NAALADL2: variants seen among roughly 807,000 people sequenced by gnomAD.
NAALADL2 encodes the protein inactive N-acetylated-alpha-linked acidic dipeptidase-like protein 2.
In NAALADL2, 76 loss-of-function variants were observed where a neutral mutation model predicts 87.2. The ratio of observed to expected loss-of-function variants is 0.87; its 90% confidence interval spans 0.72 to 1.05. The LOEUF is 1.05. Among genes scored for constraint, NAALADL2 ranks in the 50% least tolerant of loss-of-function variants. The probability of loss-of-function intolerance (pLI) is 0.00; values close to 1 mark genes in which losing one functional copy is unlikely to be tolerated. For missense variants in NAALADL2, 1,089 were observed against 945.8 expected (o/e 1.15, Z -1.99); for synonymous variants, 354 against 331.0 (o/e 1.07, Z -0.75).
At chr3:175,531,493 A>G (rs1734082029) in intron 9 of NAALADL2, among the ~76,000 whole-genome samples, 1 of 152,234 alleles carries the variant, frequency 6.6e-6, no homozygotes, top group Non-Finnish European at 1.5e-5. Context: ...TCCAATCAGC[A>G]TGTCATCAGT....
chr3:175,281,076 C>G (rs952501953), intron 4 of NAALADL2, among the ~76,000 whole-genome samples: 2 of 149,532 alleles, frequency 1.3e-5, no homozygotes, highest in African/African-American at 4.9e-5. Context: ...TTTTGTTTTT[C>G]TTTTGAATTT....
At chr3:174,726,874 C>T (rs1019487338) in intron 2 of NAALADL2, among the ~76,000 whole-genome samples, 11 of 152,126 alleles carry the variant, frequency 7.2e-5, no homozygotes, top group Non-Finnish European at 1.2e-4. Context: ...TAGACAGTTG[C>T]AATAGGCTCC....
At chr3:174,703,476 A>C (rs919987107) in intron 2 of NAALADL2, among the ~76,000 whole-genome samples, 1 of 152,138 alleles carries the variant, frequency 6.6e-6, no homozygotes, top group African/African-American at 2.4e-5. Context: ...TTTCCTGGGA[A>C]TCATGAGAGT....
chr3:174,830,145 CT>C lies in NAALADL2; in HGVS notation c.-9+92403del, dbSNP rs1253413799. 5.9e-3 allele frequency among the ~76,000 whole-genome samples: 803 copies of C among 135,166 alleles called. 6 individuals carry two copies. Among genetic ancestry groups the C allele is most frequent in the African/African-American group, 0.022 (764 of 34,868 alleles). 88.7% of individuals were successfully genotyped at this position (135,166 alleles called of 152,430 possible). On this transcript the variant is annotated intron_variant, in intron 3 of 3. Transcript: ENST00000434257. ...ATTAGATCCCATTTGTCAATTTTGT[CT>C]TTTGTTGCCATTGCTTTTGGTGTTT...
chr3:174,465,537 G>C (rs1002048860), intron 1 of NAALADL2, among the ~76,000 whole-genome samples: 4 of 152,062 alleles, frequency 2.6e-5, no homozygotes, highest in Non-Finnish European at 5.9e-5. Context: ...CCAAATAGTT[G>C]TTAGGTTTGA....
chr3:174,637,855 TA>T (rs1372682234), intron 2 of NAALADL2, among the ~76,000 whole-genome samples: 1 of 152,144 alleles, frequency 6.6e-6, no homozygotes, highest in African/African-American at 2.4e-5. Context: ...GCTAAAACTT[TA>T]TTTTTTTTCA....
intron 5 of NAALADL2, among the ~76,000 whole-genome samples, chr3:175,326,540 T>G (rs529994723): frequency 2.8e-4 from 42 of 152,324 alleles, no homozygotes; most frequent in African/African-American, 9.6e-4. Context: ...GCACTTCTGG[T>G]TTCAATTTTC....
chr3:175,355,055 T>C lies in NAALADL2; in HGVS notation c.1090+30730T>C, dbSNP rs190018213. 7.7e-4 allele frequency among the ~76,000 whole-genome samples: 112 copies of C among 145,696 alleles called. 1 individual carries two copies. Among genetic ancestry groups the C allele is most frequent in the African/African-American group, 2.1e-3 (87 of 40,480 alleles). ...GTGTGTGTGTGTGTGTGTGTGTGTGTGTGTATACATATATTTTTTCTTTTT... is the reference window on the plus strand; with the variant it reads ...GTGTGTGTGTGTGTGTGTGTGTGTGCGTGTATACATATATTTTTTCTTTTT... On this transcript the variant is annotated intron_variant, in intron 5 of 13. Transcript: ENST00000454872.
intron 2 of NAALADL2, among the ~76,000 whole-genome samples, chr3:174,575,707 A>G (rs1315458395): frequency 1.3e-5 from 2 of 152,150 alleles, no homozygotes; most frequent in African/African-American, 4.8e-5. Flanking sequence ...TTCTATAGTA[A>G]GTTTATTTGG....
intron 1 of NAALADL2, among the ~76,000 whole-genome samples, chr3:174,473,293 AG>A (rs1285589707): frequency 3.3e-5 from 5 of 152,176 alleles, no homozygotes; most frequent in Admixed American, 3.3e-4. Context: ...TGACAATCAT[AG>A]ATGATCTGCT....
rs148420401 is a variant in NAALADL2, at chr3:175,515,660, G to A, written c.1653+43902G>A. 9.7e-4 allele frequency among the ~76,000 whole-genome samples: 148 copies of A among 152,082 alleles called. 1 individual carries two copies. The highest frequency in any genetic ancestry group is 3.2e-3 in the African/African-American group (131 of 41,512). On this transcript the variant is annotated intron_variant, in intron 9 of 13. Coordinates refer to ENST00000454872, the MANE Select transcript of NAALADL2 (RefSeq NM_207015.3). The stretch of plus-strand genomic sequence containing the variant: ...CTGAATTAGGCACAAACCAATGAAA[G>A]TTGGGCATCAGATAAGCCGGCAAAT...
intron 9 of NAALADL2, among the ~76,000 whole-genome samples, chr3:175,537,510 C>G (rs1052673353): frequency 6.6e-6 from 1 of 152,158 alleles, no homozygotes; most frequent in African/African-American, 2.4e-5. Flanking sequence ...TTCTCTTATA[C>G]AAATAGCAAC....
intron 2 of NAALADL2, among the ~76,000 whole-genome samples, chr3:174,720,629 A>G (rs949740957): frequency 1.3e-5 from 2 of 152,182 alleles, no homozygotes; most frequent in African/African-American, 4.8e-5. Context: ...TGAGATGTTT[A>G]TTTATCAGCA....
chr3:175,589,928 C>T (rs151031571), intron 10 of NAALADL2, among the ~76,000 whole-genome samples: 2 of 152,056 alleles, frequency 1.3e-5, no homozygotes, highest in East Asian at 3.9e-4. Context: ...TTTACCAATT[C>T]TTGGCCGGGT....
chr3:175,079,198 C>A (rs1188225028), intron 1 of NAALADL2: 1 of 152,128 alleles, frequency 6.6e-6, no homozygotes, highest in Non-Finnish European at 1.5e-5. Flanking sequence ...TAGTTTCTTT[C>A]CATGTGCTTA....
chr3:175,742,466 T>C (rs541910786), intron 12 of NAALADL2, among the ~76,000 whole-genome samples: 112 of 135,176 alleles, frequency 8.3e-4, no homozygotes, highest in East Asian at 2.2e-3. Flanking sequence ...GGCGCGATCT[T>C]GGCTCACTGC....
intron 1 of NAALADL2, among the ~76,000 whole-genome samples, chr3:174,486,837 A>C (rs1358470865): frequency 6.6e-6 from 1 of 151,818 alleles, no homozygotes; most frequent in Non-Finnish European, 1.5e-5. Flanking sequence ...TCCATATAAT[A>C]CTCCTTCTCT....
chr3:174,538,428 T>C (rs1721921239), intron 1 of NAALADL2, among the ~76,000 whole-genome samples: 1 of 152,096 alleles, frequency 6.6e-6, no homozygotes, highest in African/African-American at 2.4e-5. Context: ...ATGCAGACTC[T>C]TTGTAGCAAT....
chr3:174,509,197 T>G (rs2108385921), intron 1 of NAALADL2, among the ~76,000 whole-genome samples: 1 of 152,238 alleles, frequency 6.6e-6, no homozygotes, highest in East Asian at 1.9e-4. Flanking sequence ...CCTTTTTTGT[T>G]TCTTAGAGAG....
Sources: gnomAD v4.1 joint callset for allele counts (sites outside exome capture counted in the v4.1 genomes callset) on GRCh38, gnomAD v4.1.1 for gene constraint, MANE v1.5 for transcripts, NCBI Gene and HGNC (gene_info 2026-07-23, HGNC 2026-07-21) for gene names.